Variants in SORCS1 observed in about 807,000 individuals in gnomAD.
SORCS1 encodes the protein sortilin related VPS10 domain containing receptor 1.
In SORCS1, 60 loss-of-function variants were observed where a neutral mutation model predicts 146.1. That is an observed-to-expected ratio of 0.41 (90% confidence interval 0.33 to 0.51). The LOEUF is 0.51. Among genes scored for constraint, SORCS1 ranks in the 20% least tolerant of loss-of-function variants. The pLI is 0.21. For missense variants in SORCS1, 1,352 were observed against 1,487.6 expected (o/e 0.91, Z 1.50); for synonymous variants, 637 against 584.0 (o/e 1.09, Z -1.31).
At chr10:107,009,112 T>A (rs1054323131) in intron 1 of SORCS1, among the ~76,000 whole-genome samples, 2 of 152,218 alleles carry the variant, frequency 1.3e-5, no homozygotes, top group Non-Finnish European at 2.9e-5. Context: ...TTATTCCACG[T>A]CGATGCAAAA....
intron 3 of SORCS1, among the ~76,000 whole-genome samples, chr10:106,825,430 C>A (rs1948256272): frequency 6.6e-6 from 1 of 151,932 alleles, no homozygotes; most frequent in Non-Finnish European, 1.5e-5. Flanking sequence ...CGCCACCACG[C>A]CTGGCTAATT....
chr10:106,981,760 GCTC>G (rs1956254566), intron 1 of SORCS1, among the ~76,000 whole-genome samples: 2 of 152,074 alleles, frequency 1.3e-5, no homozygotes, highest in African/African-American at 2.4e-5. Context: ...GCAGGACAAG[GCTC>G]CTCATCACAT....
At chr10:107,173,724 A>G in the SORCS1 span, among the ~76,000 whole-genome samples, 1 of 152,146 alleles carries the variant, frequency 6.6e-6, no homozygotes. Flanking sequence ...TGTATATGGC[A>G]TGAAGTAAGG....
chr10:107,138,037 T>C (rs7919089), intron 1 of SORCS1, among the ~76,000 whole-genome samples: 32,350 of 152,068 alleles, frequency 0.21, 4,103 homozygotes, highest in African/African-American at 0.35. Flanking sequence ...AGTTATTGAG[T>C]GGAAAAATTT....
At chr10:106,985,448 G>C (rs1956425855) in intron 1 of SORCS1, among the ~76,000 whole-genome samples, 1 of 151,860 alleles carries the variant, frequency 6.6e-6, no homozygotes, top group African/African-American at 2.4e-5. Context: ...AGAAAAGAAT[G>C]GAAATAGGAA....
intron 3 of SORCS1, among the ~76,000 whole-genome samples, chr10:106,800,535 TTTTTA>T (rs1444026851): frequency 2.3e-5 from 3 of 132,854 alleles, no homozygotes; most frequent in Admixed American, 7.5e-5. Flanking sequence ...TTTTTTTTTT[TTTTTA>T]AGATGGAGTC....
At position 107,046,186 on chromosome 10, in the gene SORCS1, C is replaced by T. The variant is rs199635594; in HGVS notation, c.559-89606G>A. ...GTCTCAATCTCTTGAATTCGTGATC[C>T]GCCCACCTTGGCCTCCCAAAGTGCT... On this transcript the variant is annotated intron_variant, in intron 1 of 25. Transcript: ENST00000263054. Among the ~76,000 whole-genome samples, 45 of 152,120 alleles carry T rather than the reference C, an allele frequency of 3.0e-4. No individual in the cohort carries two copies. In the East Asian group the frequency reaches 8.1e-3, roughly 27 times the overall value.
At chr10:106,909,331 T>C (rs987572513) in intron 2 of SORCS1, among the ~76,000 whole-genome samples, 4 of 152,204 alleles carry the variant, frequency 2.6e-5, no homozygotes, top group Non-Finnish European at 5.9e-5. Context: ...CAAGTCACCA[T>C]CTTTTCCTTG....
intron 6 of SORCS1, among the ~76,000 whole-genome samples, chr10:106,714,270 AT>A (rs1276308692): frequency 2.0e-5 from 3 of 151,928 alleles, no homozygotes; most frequent in Non-Finnish European, 4.4e-5. Flanking sequence ...GTTATTTATA[AT>A]AAAAAATTTT....
chr10:106,669,576 T>G (rs1851429811), intron 16 of SORCS1, among the ~76,000 whole-genome samples: 1 of 152,216 alleles, frequency 6.6e-6, no homozygotes, highest in Non-Finnish European at 1.5e-5. Flanking sequence ...TCCCTGTGAA[T>G]GCATTTCAGG....
At chr10:106,627,979 C>A (rs1267253518) in intron 19 of SORCS1, among the ~76,000 whole-genome samples, 2 of 152,138 alleles carry the variant, frequency 1.3e-5, no homozygotes, top group African/African-American at 4.8e-5. Context: ...ACTAATAGTG[C>A]CTACTTCAAG....
At position 106,842,987 on chromosome 10, in the gene SORCS1, T is replaced by C. The variant is rs147469280; in HGVS notation, c.627-13314A>G. 1.7e-3 allele frequency among the ~76,000 whole-genome samples: 265 copies of C among 152,338 alleles called. 1 individual carries two copies. Among genetic ancestry groups the C allele is most frequent in the Middle Eastern group, 6.8e-3 (2 of 294 alleles). On this transcript the variant is annotated intron_variant, in intron 2 of 25. Transcript: ENST00000263054. ...CCAATTTACTGATACGATTGACAAA[T>C]GTAATTGTATTTAAGGTATACAATA...
chr10:106,975,592 G>A (rs1477917728), intron 1 of SORCS1, among the ~76,000 whole-genome samples: 2 of 152,202 alleles, frequency 1.3e-5, no homozygotes, highest in Non-Finnish European at 2.9e-5. Flanking sequence ...CTGCCATGCA[G>A]TAATTTACAG....
intron 2 of SORCS1, among the ~76,000 whole-genome samples, chr10:106,865,991 C>T (rs552872064): frequency 1.3e-5 from 2 of 151,458 alleles, no homozygotes; most frequent in East Asian, 2.0e-4. Flanking sequence ...TGAGATCACG[C>T]CACTGCACTC....
At chr10:106,734,755 TG>T (rs1313843573) in intron 5 of SORCS1, among the ~76,000 whole-genome samples, 1 of 152,236 alleles carries the variant, frequency 6.6e-6, no homozygotes, top group Non-Finnish European at 1.5e-5. Flanking sequence ...AGAAGACTCC[TG>T]GCACAGAGCT....
chr10:106,752,629 C>A (rs1433367106), intron 5 of SORCS1, among the ~76,000 whole-genome samples: 1 of 152,098 alleles, frequency 6.6e-6, no homozygotes, highest in Non-Finnish European at 1.5e-5. Context: ...ATTTATGTTG[C>A]AAACAATGAG....
intron 24 of SORCS1, among the ~76,000 whole-genome samples, chr10:106,589,833 G>C (rs1845494546): frequency 6.6e-6 from 1 of 151,960 alleles, no homozygotes; most frequent in Non-Finnish European, 1.5e-5. Flanking sequence ...AATGATAATG[G>C]AGTTTTGCCC....
chr10:107,003,122 G>A (rs1957284553), intron 1 of SORCS1, among the ~76,000 whole-genome samples: 1 of 152,120 alleles, frequency 6.6e-6, no homozygotes, highest in South Asian at 2.1e-4. Context: ...AGGCATGGTG[G>A]TGGGTGCCTG....
intron 2 of SORCS1, among the ~76,000 whole-genome samples, chr10:106,861,600 A>G (rs1387488544): frequency 6.6e-6 from 1 of 152,016 alleles, no homozygotes; most frequent in African/African-American, 2.4e-5. Context: ...TGGTTCAAAT[A>G]CCCTCAATTG....
Sources: allele counts gnomAD v4.1 joint callset (sites outside exome capture counted in the v4.1 genomes callset), GRCh38; gene constraint gnomAD v4.1.1; transcripts MANE v1.5; gene names NCBI Gene and HGNC (gene_info 2026-07-23, HGNC 2026-07-21).